The following SOX30 variants were observed in gnomAD, a reference collection of about 807,000 sequenced individuals.
SOX30 encodes the protein SRY-box transcription factor 30.
Under a neutral mutation model 58.6 loss-of-function variants are expected in SOX30, and 17 were observed. The observed-to-expected ratio is 0.29, with a 90% CI of 0.20 to 0.44. SOX30 has a LOEUF of 0.44. Among genes scored for constraint, SOX30 ranks in the 20% least tolerant of loss-of-function variants. The pLI, the probability that SOX30 is intolerant of heterozygous loss-of-function variation, is 1.00. For missense variants in SOX30, 951 were observed against 965.8 expected, an observed-to-expected ratio of 0.98 and a Z score of 0.20; for synonymous variants, 421 against 400.2, an observed-to-expected ratio of 1.05 and a Z score of -0.62.
At chr5:157,646,576 T>C (rs905191560) in intron 3 of SOX30, 61 bp downstream of exon 3, 10 of 1,255,864 alleles carry the variant, frequency 8.0e-6, no homozygotes, top group African/African-American at 1.5e-5. Flanking sequence ...CACTTCAAAC[T>C]TGAGGTAAAA....
chr5:157,668,509 AATCC>A (rs1759710283), intron 1 of SOX30, among the ~76,000 whole-genome samples: 1 of 151,838 alleles, frequency 6.6e-6, no homozygotes, highest in African/African-American at 2.4e-5. Context: ...TTCACTCACC[AATCC>A]ATCCATCCAT....
intron 2 of SOX30, among the ~76,000 whole-genome samples, chr5:157,666,286 G>C (rs1269674161): frequency 6.6e-6 from 1 of 151,834 alleles, no homozygotes; most frequent in Non-Finnish European, 1.5e-5. Context: ...TCAGCCTCCA[G>C]AGTAGCTGGG....
exon 1 of SOX30, chr5:157,671,457 C>T (rs114950542): frequency 8.0e-6 from 5 of 627,568 alleles, no homozygotes; most frequent in South Asian, 4.1e-5. Flanking sequence ...CAACAGCCCC[C>T]GTCCCCTTCC....
chr5:157,669,372 ATGGGG>A (rs1399485604), intron 1 of SOX30, among the ~76,000 whole-genome samples: 9 of 151,928 alleles, frequency 5.9e-5, no homozygotes, highest in African/African-American at 1.9e-4. Flanking sequence ...TTTTGTAGAG[ATGGGG>A]TTTCACCATT....
At chr5:157,646,604 A>T (rs1206728014) in intron 3 of SOX30, 33 bp downstream of exon 3, 14 of 1,508,414 alleles carry the variant, frequency 9.3e-6, no homozygotes, top group Non-Finnish European at 1.3e-5. Context: ...GCAGCTATTT[A>T]AAAAATAGTA....
chr5:157,648,709 G>T lies in SOX30; in HGVS notation c.1155C>A (p.Pro385=), dbSNP rs1011256798. 2 of 1,613,662 alleles carry T rather than the reference G, an allele frequency of 1.2e-6. No individual in the cohort carries two copies. Among genetic ancestry groups the T allele is most frequent in the South Asian group, 2.2e-5 (2 of 91,038 alleles). Residue 385 remains proline, a synonymous_variant, in exon 2 of 5, where the codon CCC becomes CCA. Transcript: ENST00000265007. ...TAATCTTTTGTGCTTCATCGTAATA[G>T]GGTTTCTTTTGTTCTTCACTAAGTT... The part of the protein sequence containing the change: ...WNKLSEEQKK[P]YYDEAQKIKE...
intron 2 of SOX30, among the ~76,000 whole-genome samples, 155 bp downstream of exon 2, chr5:157,648,502 C>T (rs1157038826): frequency 6.6e-6 from 1 of 152,134 alleles, no homozygotes; most frequent in Non-Finnish European, 1.5e-5. Flanking sequence ...TGCCCAGTGT[C>T]ATTTCAATCA....
chr5:157,667,768 ACAC>A, intron 2 of SOX30: 1 of 809,790 alleles, frequency 1.2e-6, no homozygotes, highest in Non-Finnish European at 1.6e-6. Context: ...ATACATACAC[ACAC>A]ACACACACAC....
intron 2 of SOX30, among the ~76,000 whole-genome samples, chr5:157,658,762 G>A (rs752488449): frequency 9.2e-5 from 14 of 152,286 alleles, no homozygotes; most frequent in Non-Finnish European, 1.8e-4. Flanking sequence ...AATGTCAGGC[G>A]TGTGAACCAG....
intron 2 of SOX30, among the ~76,000 whole-genome samples, chr5:157,663,498 A>C (rs879900697): frequency 1.3e-5 from 2 of 152,230 alleles, no homozygotes; most frequent in Non-Finnish European, 2.9e-5. Context: ...CCAATATCAT[A>C]CTGAATGGGC....
chr5:157,661,663 T>C (rs1177224564), intron 2 of SOX30, among the ~76,000 whole-genome samples: 1 of 152,264 alleles, frequency 6.6e-6, no homozygotes, highest in Non-Finnish European at 1.5e-5. Flanking sequence ...TTAATATATG[T>C]ATTACATGAA....
rs150102127 is a variant in SOX30, at chr5:157,638,537, G to A, written c.1573C>T (p.His525Tyr). 89 of 1,614,194 alleles carry A rather than the reference G, an allele frequency of 5.5e-5. No homozygotes were observed. In the Middle Eastern group the frequency reaches 2.0e-3, roughly 36 times the overall value. Residue 525 changes from histidine (H) to tyrosine (Y), a missense_variant, in exon 4 of 5, where the codon CAT (histidine) becomes TAT (tyrosine). Coordinates refer to ENST00000265007, the MANE Select transcript of SOX30 (RefSeq NM_178424.2). ...TTCACAGTGTGAGTGGCTTCAGAAT[G>A]CAGCTGATGAGTGTCTGTTTGGGAA... ...GPSQTDTHQL[H>Y]SEATHTVKQP...
intron 4 of SOX30, among the ~76,000 whole-genome samples, chr5:157,632,005 T>C (rs1758821971): frequency 7.9e-6 from 1 of 126,126 alleles, no homozygotes; most frequent in African/African-American, 3.2e-5. Context: ...ATCATGCCAC[T>C]GCACTCCAGC....
upstream of SOX30, among the ~76,000 whole-genome samples, chr5:157,653,222 C>T (rs1759405980): frequency 6.6e-6 from 1 of 152,198 alleles, no homozygotes; most frequent in Admixed American, 6.5e-5. Context: ...ACTGGGACTT[C>T]TTCAGAGAAG....
upstream of SOX30, among the ~76,000 whole-genome samples, chr5:157,655,128 G>T (rs1581404944): frequency 1.3e-5 from 2 of 152,244 alleles, no homozygotes; most frequent in East Asian, 1.9e-4. Context: ...TAGTGTGTAA[G>T]CCCCCAGTAA....
intron 2 of SOX30, among the ~76,000 whole-genome samples, chr5:157,648,344 T>G (rs1321074413): frequency 6.6e-6 from 1 of 152,232 alleles, no homozygotes; most frequent in Non-Finnish European, 1.5e-5. Flanking sequence ...CTTGCAAAAT[T>G]ATAGCCTAAA....
chr5:157,653,875 G>C (rs1290180692), upstream of SOX30, among the ~76,000 whole-genome samples: 3 of 152,114 alleles, frequency 2.0e-5, no homozygotes, highest in Non-Finnish European at 2.9e-5. Context: ...AAAAACTATT[G>C]AAGATCCTGG....
chr5:157,644,885 G>A (rs1353375070), intron 3 of SOX30, among the ~76,000 whole-genome samples: 3 of 152,174 alleles, frequency 2.0e-5, no homozygotes, highest in Admixed American at 1.3e-4. Flanking sequence ...GGAGGCTGAG[G>A]TGGGAGAACT....
intron 4 of SOX30, among the ~76,000 whole-genome samples, chr5:157,631,053 A>ATATATATACACAATATATATATTT (rs1561578500): frequency 2.2e-4 from 10 of 45,806 alleles, no homozygotes; most frequent in African/African-American, 7.1e-4. Flanking sequence ...TATTTTATAT[A>ATATATATACACAATATATATATTT]TATATATATA....
Sources: gnomAD v4.1 joint callset for allele counts (sites outside exome capture counted in the v4.1 genomes callset) on GRCh38, gnomAD v4.1.1 for gene constraint, MANE v1.5 for transcripts, NCBI Gene and HGNC (gene_info 2026-07-23, HGNC 2026-07-21) for gene names.